Variants in MEGF11 observed in about 807,000 individuals in gnomAD.
MEGF11 encodes the protein multiple EGF like domains 11.
A neutral mutation model predicts 146.6 loss-of-function variants in MEGF11; 126 were observed. The observed-to-expected ratio is 0.86, with a 90% CI of 0.74 to 1.00. The LOEUF (loss-of-function observed/expected upper bound fraction) is 1.00, where lower values mean the gene tolerates loss of function less well. Ranked by LOEUF, MEGF11 falls within the 50% of genes least tolerant of loss-of-function variation. MEGF11 has a pLI of 0.00. For synonymous variants in MEGF11, 532 were observed against 583.4 expected (o/e 0.91, Z 1.27); for missense variants, 1,509 against 1,521.2 (o/e 0.99, Z 0.13).
At chr15:66,067,708 T>C (rs1311470712) in intron 5 of MEGF11, among the ~76,000 whole-genome samples, 5 of 152,248 alleles carry the variant, frequency 3.3e-5, no homozygotes, top group East Asian at 1.9e-4. Context: ...ACAAATGTCT[T>C]GCTAGCAGCA....
chr15:66,095,832 T>G (rs991643681), intron 4 of MEGF11, among the ~76,000 whole-genome samples: 4 of 152,170 alleles, frequency 2.6e-5, no homozygotes, highest in African/African-American at 4.8e-5. Context: ...CGGGGAGGGT[T>G]GTGGTGCTTC....
chr15:66,142,754 GACCCCAAATGAGTCACTGC>G (rs1430331199), intron 1 of MEGF11, among the ~76,000 whole-genome samples: 1 of 152,194 alleles, frequency 6.6e-6, no homozygotes, highest in Non-Finnish European at 1.5e-5. Context: ...TCAGCTGTGT[GACCCCAAATGAGTCACTGC>G]ACCTCTCTGG....
chr15:66,157,525 C>T (rs1479435468), intron 1 of MEGF11, among the ~76,000 whole-genome samples: 7 of 152,170 alleles, frequency 4.6e-5, no homozygotes, highest in African/African-American at 1.7e-4. Flanking sequence ...AGGCTTTGTG[C>T]CAGGTATTCT....
chr15:65,923,293 C>A (rs753903279), intron 13 of MEGF11, among the ~76,000 whole-genome samples: 1 of 152,116 alleles, frequency 6.6e-6, no homozygotes, highest in African/African-American at 2.4e-5. Flanking sequence ...AAATGGGGTA[C>A]GGCAAGAGAT....
chr15:66,058,615 C>T (rs915501387), intron 5 of MEGF11, among the ~76,000 whole-genome samples: 3 of 152,144 alleles, frequency 2.0e-5, no homozygotes, highest in African/African-American at 7.2e-5. Context: ...TCCCCCTCCA[C>T]AGGTCTAGAG....
intron 23 of MEGF11, 86 bp downstream of exon 23, chr15:65,908,948 G>A: frequency 1.3e-6 from 1 of 790,068 alleles, no homozygotes; most frequent in Admixed American, 2.1e-5. Flanking sequence ...ACCACAGGGT[G>A]GGGGTCAAGG....
chr15:66,130,730 G>GAGGGAGGGAGGAAGGAAGGAAGGAAGGA (rs56371892), intron 1 of MEGF11, among the ~76,000 whole-genome samples: 6 of 140,980 alleles, frequency 4.3e-5, no homozygotes, highest in African/African-American at 7.8e-5. Context: ...AAGAGGGAGG[G>GAGGGAGGGAGGAAGGAAGGAAGGAAGGA]AGGAAGGAAG....
At chr15:66,231,402 G>A (rs1373431020) in intron 1 of MEGF11, among the ~76,000 whole-genome samples, 2 of 151,552 alleles carry the variant, frequency 1.3e-5, no homozygotes, top group African/African-American at 2.4e-5. Context: ...AGATAATGGC[G>A]GGGTCAGAAC....
intron 5 of MEGF11, among the ~76,000 whole-genome samples, chr15:66,034,914 G>C (rs2083670089): frequency 6.6e-6 from 1 of 152,186 alleles, no homozygotes; most frequent in Admixed American, 6.5e-5. Context: ...TGTTGTAAAA[G>C]TGAGCTCTCT....
intron 5 of MEGF11, among the ~76,000 whole-genome samples, chr15:65,991,881 T>A (rs568825115): frequency 1.3e-5 from 2 of 152,254 alleles, no homozygotes; most frequent in East Asian, 3.9e-4. Flanking sequence ...GATGAGAGGC[T>A]CAATGTCAAA....
chr15:66,009,125 T>A (rs1268563137), intron 5 of MEGF11, among the ~76,000 whole-genome samples: 1 of 152,240 alleles, frequency 6.6e-6, no homozygotes, highest in African/African-American at 2.4e-5. Flanking sequence ...ATGTACAAGA[T>A]CTTGCAATCT....
chr15:66,126,765 C>T (rs1201370210), intron 2 of MEGF11, among the ~76,000 whole-genome samples: 2 of 152,308 alleles, frequency 1.3e-5, no homozygotes, highest in Admixed American at 6.5e-5. Context: ...CACAGAATAA[C>T]GTGGGGCTCT....
intron 5 of MEGF11, among the ~76,000 whole-genome samples, chr15:66,085,514 AC>A (rs2086070257): frequency 6.6e-6 from 1 of 152,024 alleles, no homozygotes. Flanking sequence ...TGTGCAGACA[AC>A]CCCCAGTACC....
chr15:66,177,645 C>G (rs1348521593), intron 1 of MEGF11, among the ~76,000 whole-genome samples: 1 of 151,700 alleles, frequency 6.6e-6, no homozygotes, highest in East Asian at 1.9e-4. Context: ...GCACAGCACC[C>G]TGTCTGCCCC....
chr15:65,972,973 C>T (rs1008156545), intron 7 of MEGF11, among the ~76,000 whole-genome samples: 2 of 152,132 alleles, frequency 1.3e-5, no homozygotes, highest in South Asian at 2.1e-4. Flanking sequence ...CAAAATTAAC[C>T]GGGCGTGGTG....
rs577616469 is a variant in MEGF11, at chr15:65,984,494, C to G, written c.395-2006G>C. On this transcript the variant is annotated intron_variant, in intron 5 of 25. Coordinates refer to ENST00000395614, the MANE Select transcript of MEGF11 (RefSeq NM_001385028.1). ...TGAGCTGAGATTGCACCACTGCACT[C>G]TAGCCTGGGCGATAGAGCAAGACTC... Among the ~76,000 whole-genome samples the G allele has an allele frequency of 1.0e-4, 13 of 127,384 alleles. No homozygotes were observed. The South Asian group carries it at 3.5e-3, about 34-fold the overall frequency. 83.6% of individuals were successfully genotyped at this position (127,384 alleles called of 152,430 possible).
At chr15:65,941,373 G>A (rs986775706) in intron 10 of MEGF11, among the ~76,000 whole-genome samples, 4 of 152,134 alleles carry the variant, frequency 2.6e-5, no homozygotes, top group Admixed American at 6.6e-5. Flanking sequence ...GCTTAAACCC[G>A]GGAGGCGGAG....
intron 4 of MEGF11, among the ~76,000 whole-genome samples, chr15:66,098,986 C>G (rs2086664407): frequency 6.6e-6 from 1 of 152,188 alleles, no homozygotes; most frequent in African/African-American, 2.4e-5. Context: ...CCTCAGCCCA[C>G]CTAGAGTTGG....
chr15:66,152,744 G>T (rs1488465545), intron 1 of MEGF11, among the ~76,000 whole-genome samples: 1 of 152,208 alleles, frequency 6.6e-6, no homozygotes. Context: ...CTCCCACTGT[G>T]GCCTGTGGAT....
Sources: allele counts gnomAD v4.1 joint callset (sites outside exome capture counted in the v4.1 genomes callset), GRCh38; gene constraint gnomAD v4.1.1; transcripts MANE v1.5; gene names NCBI Gene and HGNC (gene_info 2026-07-23, HGNC 2026-07-21).